Variants in NINL observed in about 807,000 individuals in gnomAD.
The protein encoded by NINL is ninein-like protein.
NINL carries 153 observed loss-of-function variants against 160.3 expected under a neutral mutation model. The ratio of observed to expected loss-of-function variants is 0.95; its 90% CI spans 0.84 to 1.09. The LOEUF is 1.09. NINL is among the 50% of genes least tolerant of loss of function. The pLI is 0.00. For synonymous variants in NINL, 800 were observed against 734.8 expected (o/e 1.09, Z -1.43); for missense variants, 1,829 against 1,764.0 (o/e 1.04, Z -0.66).
In NINL at chr20:25,501,973, A is replaced by C. The variant is rs138130717; in HGVS notation, c.862-963T>G. 1.4e-3 allele frequency among the ~76,000 whole-genome samples: 207 copies of C among 152,070 alleles called. 1 individual carries two copies. The highest frequency in any genetic ancestry group is 4.7e-3 in the African/African-American group (195 of 41,466). On this transcript the variant is annotated intron_variant, in intron 7 of 23. Transcript: ENST00000278886. Reference sequence around the variant, plus strand: ...GGTTTCTAAATTATTTAGGTTTTTAAATTAAATTAAATTTATTTATTTATT... The same window carrying C: ...GGTTTCTAAATTATTTAGGTTTTTACATTAAATTAAATTTATTTATTTATT...
chr20:25,556,068 C>A (rs2064862838), intron 1 of NINL, among the ~76,000 whole-genome samples: 1 of 151,860 alleles, frequency 6.6e-6, no homozygotes, highest in African/African-American at 2.4e-5. Flanking sequence ...ATTGCTTGAG[C>A]CCAGAAGTTC....
intron 1 of NINL, among the ~76,000 whole-genome samples, chr20:25,527,053 A>G (rs1309187396): frequency 1.3e-5 from 2 of 152,214 alleles, no homozygotes; most frequent in Non-Finnish European, 2.9e-5. Flanking sequence ...TTCTAGAATA[A>G]TTAGAAAATA....
intron 12 of NINL, among the ~76,000 whole-genome samples, chr20:25,489,655 G>A (rs566707768): frequency 1.3e-5 from 2 of 152,132 alleles, no homozygotes; most frequent in African/African-American, 2.4e-5. Context: ...ACTGAGGGCT[G>A]TCACTAGTGA....
intron 1 of NINL, among the ~76,000 whole-genome samples, chr20:25,548,512 C>T (rs1030034129): frequency 3.3e-5 from 5 of 152,152 alleles, no homozygotes; most frequent in East Asian, 1.9e-4. Flanking sequence ...GGGCTGACCT[C>T]GGCACCCATG....
At chr20:25,571,607 C>T (rs1439852382) in intron 1 of NINL, among the ~76,000 whole-genome samples, 1 of 152,134 alleles carries the variant, frequency 6.6e-6, no homozygotes. Context: ...GTGGCTCACA[C>T]CTGGAATCCC....
At chr20:25,553,129 G>T (rs1326851620) in intron 1 of NINL, among the ~76,000 whole-genome samples, 2 of 36,780 alleles carry the variant, frequency 5.4e-5, no homozygotes, top group East Asian at 7.5e-4. Flanking sequence ...TTTGGAGATG[G>T]GGTCTTGCTA....
intron 14 of NINL, among the ~76,000 whole-genome samples, chr20:25,481,486 G>A (rs1042252269): frequency 1.3e-5 from 2 of 152,116 alleles, no homozygotes; most frequent in Admixed American, 6.5e-5. Context: ...GAGCACAGGG[G>A]CAGTTGGCCA....
intron 12 of NINL, among the ~76,000 whole-genome samples, 193 bp from the exon 13 acceptor site, chr20:25,489,517 A>G (rs2063576292): frequency 1.3e-5 from 2 of 151,024 alleles, no homozygotes; most frequent in Non-Finnish European, 3.0e-5. Flanking sequence ...AGGATTTTCC[A>G]GACTTAGATC....
chr20:25,472,168 G>C (rs1197302918), intron 17 of NINL, among the ~76,000 whole-genome samples: 1 of 151,648 alleles, frequency 6.6e-6, no homozygotes, highest in Non-Finnish European at 1.5e-5. Context: ...ACACAGAGCT[G>C]AAAGAAAGAG....
At chr20:25,482,128 C>T (rs368425276) in intron 13 of NINL, 28 bp from the exon 14 acceptor site, 2 of 1,581,066 alleles carry the variant, frequency 1.3e-6, no homozygotes, top group Non-Finnish European at 1.7e-6. Context: ...GCCACCTCCT[C>T]TAGCAGCTGC....
chr20:25,472,504 A>G (rs932329429), intron 17 of NINL, among the ~76,000 whole-genome samples: 2 of 149,816 alleles, frequency 1.3e-5, no homozygotes, highest in Non-Finnish European at 3.0e-5. Context: ...TGAGACACCA[A>G]TGCAATCCAT....
At chr20:25,524,459 T>C (rs1224366006) in intron 2 of NINL, among the ~76,000 whole-genome samples, 1 of 152,148 alleles carries the variant, frequency 6.6e-6, no homozygotes, top group Admixed American at 6.5e-5. Flanking sequence ...CGCATGGCTA[T>C]CCCAGGGGGA....
At chr20:25,517,683 C>A in intron 3 of NINL, 70 bp downstream of exon 3, 1 of 1,192,726 alleles carries the variant, frequency 8.4e-7, no homozygotes, top group African/African-American at 1.6e-5. Context: ...TGGATTCTTT[C>A]ATTAGAATAT....
chr20:25,560,881 T>A (rs2064925634), intron 1 of NINL, among the ~76,000 whole-genome samples: 1 of 151,904 alleles, frequency 6.6e-6, no homozygotes, highest in South Asian at 2.1e-4. Flanking sequence ...AAGAAAGACA[T>A]TCTCAGATGA....
chr20:25,543,843 A>C (rs1453246310), intron 1 of NINL, among the ~76,000 whole-genome samples: 1 of 152,008 alleles, frequency 6.6e-6, no homozygotes, highest in Non-Finnish European at 1.5e-5. Context: ...TGAAGTGGCC[A>C]ATGGCAAACC....
intron 13 of NINL, among the ~76,000 whole-genome samples, chr20:25,482,931 G>A (rs1215584953): frequency 1.3e-5 from 2 of 151,340 alleles, no homozygotes; most frequent in Non-Finnish European, 2.9e-5. Context: ...GGCTGAGGCA[G>A]GAGAGTCGCT....
At chr20:25,575,824 G>T (rs1244652634) in intron 1 of NINL, among the ~76,000 whole-genome samples, 2 of 151,442 alleles carry the variant, frequency 1.3e-5, no homozygotes, top group Non-Finnish European at 2.9e-5. Flanking sequence ...CACTCGGCTG[G>T]CTTCACCACC....
intron 2 of NINL, among the ~76,000 whole-genome samples, chr20:25,525,562 G>A (rs966945315): frequency 2.0e-5 from 3 of 152,182 alleles, no homozygotes; most frequent in South Asian, 2.1e-4. Context: ...ACTGAGGCGG[G>A]AGGATTGCTT....
chr20:25,478,729 C>G, intron 16 of NINL, 194 bp downstream of exon 16: 1 of 569,138 alleles, frequency 1.8e-6, no homozygotes, highest in Non-Finnish European at 3.0e-6. Flanking sequence ...GGCCCATGAT[C>G]CAATGTATAT....
Sources: gnomAD v4.1 joint callset for allele counts (sites outside exome capture counted in the v4.1 genomes callset) on GRCh38, gnomAD v4.1.1 for gene constraint, MANE v1.5 for transcripts, NCBI Gene and HGNC (gene_info 2026-07-23, HGNC 2026-07-21) for gene names.